The following SLC35F4 variants were observed in gnomAD, a reference collection of about 807,000 sequenced individuals.
The protein encoded by SLC35F4 is chromosome 14 open reading frame 36.
A neutral mutation model predicts 44.2 loss-of-function variants in SLC35F4; 24 were observed. The observed-to-expected ratio is 0.54, with a 90% confidence interval of 0.39 to 0.76. The LOEUF is 0.76. Among genes scored for constraint, SLC35F4 ranks in the 30% least tolerant of loss-of-function variants. SLC35F4 has a pLI of 0.00. For missense variants in SLC35F4, 562 were observed against 586.1 expected, an observed-to-expected ratio of 0.96 and a Z score of 0.42; for synonymous variants, 238 against 223.6, an observed-to-expected ratio of 1.06 and a Z score of -0.57.
chr14:57,669,821 G>A (rs569584744), intron 1 of SLC35F4, among the ~76,000 whole-genome samples: 1 of 152,192 alleles, frequency 6.6e-6, no homozygotes, highest in East Asian at 1.9e-4. Flanking sequence ...CCAGGCTTTG[G>A]TATCAGGATG....
intron 1 of SLC35F4, among the ~76,000 whole-genome samples, chr14:57,690,300 T>C (rs527917267): frequency 2.6e-5 from 4 of 152,306 alleles, no homozygotes; most frequent in South Asian, 4.1e-4. Context: ...TATGTTCTCA[T>C]GGCACTATTA....
intron 4 of SLC35F4, among the ~76,000 whole-genome samples, chr14:57,573,148 C>G (rs368799538): frequency 3.3e-5 from 5 of 152,138 alleles, no homozygotes; most frequent in South Asian, 2.1e-4. Context: ...TTTTTTATAA[C>G]GTAGATTTTT....
intron 1 of SLC35F4, among the ~76,000 whole-genome samples, chr14:57,703,795 CA>C (rs2075602944): frequency 6.6e-6 from 1 of 152,166 alleles, no homozygotes; most frequent in African/African-American, 2.4e-5. Context: ...GATAGCTTTT[CA>C]AATCACTTTT....
chr14:57,948,089 G>C (rs1257755999), intron 1 of SLC35F4, among the ~76,000 whole-genome samples: 1 of 152,050 alleles, frequency 6.6e-6, no homozygotes, highest in Admixed American at 6.5e-5. Context: ...TTTATCTTTT[G>C]GAATAGTTTC....
chr14:57,592,787 G>T (rs1363983546), intron 2 of SLC35F4, among the ~76,000 whole-genome samples: 1 of 151,942 alleles, frequency 6.6e-6, no homozygotes, highest in Non-Finnish European at 1.5e-5. Flanking sequence ...ACCCCTAATT[G>T]AATCCTCTGA....
At chr14:57,906,807 A>G (rs1319959152) in intron 1 of SLC35F4, among the ~76,000 whole-genome samples, 1 of 152,222 alleles carries the variant, frequency 6.6e-6, no homozygotes, top group East Asian at 1.9e-4. Context: ...GGGTCATTAC[A>G]TTGCAGGGTA....
At chr14:57,688,287 T>C (rs962116999) in intron 1 of SLC35F4, among the ~76,000 whole-genome samples, 1 of 152,084 alleles carries the variant, frequency 6.6e-6, no homozygotes, top group Admixed American at 6.6e-5. Context: ...CGTACAGACA[T>C]GTGGGACCTA....
At chr14:57,747,734 A>T (rs992289036) in intron 1 of SLC35F4, among the ~76,000 whole-genome samples, 25 of 152,202 alleles carry the variant, frequency 1.6e-4, no homozygotes, top group Non-Finnish European at 3.5e-4. Context: ...AAAAACATTT[A>T]TAGTAATTTC....
At chr14:57,953,411 G>A (rs1890177330) in intron 1 of SLC35F4, among the ~76,000 whole-genome samples, 1 of 151,886 alleles carries the variant, frequency 6.6e-6, no homozygotes, top group Non-Finnish European at 1.5e-5. Context: ...CATAATGACA[G>A]GATCAAATTC....
chr14:57,860,605 A>G (rs761217608), intron 1 of SLC35F4, among the ~76,000 whole-genome samples: 15 of 152,228 alleles, frequency 9.9e-5, no homozygotes, highest in Admixed American at 7.9e-4. Context: ...TAATTCAACC[A>G]TACATCAACA....
chr14:57,919,105 A>T (rs1210014490), intron 1 of SLC35F4, among the ~76,000 whole-genome samples: 2 of 152,188 alleles, frequency 1.3e-5, no homozygotes, highest in Non-Finnish European at 2.9e-5. Flanking sequence ...CATGGTTTGG[A>T]TGCAGAAGAC....
At chr14:57,655,910 C>T (rs974522377) in intron 1 of SLC35F4, among the ~76,000 whole-genome samples, 1 of 152,176 alleles carries the variant, frequency 6.6e-6, no homozygotes, top group South Asian at 2.1e-4. Context: ...TCTCCTCCCA[C>T]TCATCTATAT....
In SLC35F4 at chr14:57,979,191, G is replaced by A. The variant is rs141311378; in HGVS notation, n.152-2234C>T. Among the ~76,000 whole-genome samples the A allele has an allele frequency of 3.9e-3, 599 of 152,260 alleles. 3 individuals carry two copies. Among genetic ancestry groups the A allele is most frequent in the South Asian group, 8.3e-3 (40 of 4,812 alleles). On this transcript the variant is annotated intron_variant and non_coding_transcript_variant, in intron 1 of 1. Transcript: ENST00000554648. ...AAATAAAGATTGGGTCACAGCAGAG[G>A]GAAGTGTGGTTATTAATTATGACCT...
intron 1 of SLC35F4, among the ~76,000 whole-genome samples, chr14:57,853,876 C>T (rs181736345): frequency 5.9e-4 from 90 of 152,268 alleles, no homozygotes; most frequent in Non-Finnish European, 1.1e-3. Flanking sequence ...AGAGACTCCC[C>T]GGTGTCTTTT....
chr14:57,873,840 G>T (rs1013122094), intron 1 of SLC35F4, among the ~76,000 whole-genome samples: 2 of 152,056 alleles, frequency 1.3e-5, no homozygotes, highest in African/African-American at 4.8e-5. Flanking sequence ...TGTGCCGCCT[G>T]CCTGCACACC....
chr14:57,746,808 C>T (rs1465146807), intron 1 of SLC35F4, among the ~76,000 whole-genome samples: 2 of 152,044 alleles, frequency 1.3e-5, no homozygotes, highest in Non-Finnish European at 2.9e-5. Context: ...CATTTATTAA[C>T]CAGAAATGCA....
rs78948104 is a variant in SLC35F4 at position 57,614,925 on chromosome 14, C to T, written c.104-20801G>A. Among the ~76,000 whole-genome samples the T allele has an allele frequency of 4.7e-4, 72 of 152,252 alleles. No homozygotes were observed. In the East Asian group the frequency reaches 0.013, roughly 27 times the overall value. The stretch of plus-strand genomic sequence containing the variant: ...TAAACTTTTTAGATTTAAGTGTTCT[C>T]GTCCATAAAATAAGAGGGTGGGACC... On this transcript the variant is annotated intron_variant, in intron 1 of 7. Coordinates refer to ENST00000556826, the MANE Select transcript of SLC35F4 (RefSeq NM_001306087.2).
chr14:57,778,320 T>C (rs924461193), intron 1 of SLC35F4, among the ~76,000 whole-genome samples: 3 of 151,982 alleles, frequency 2.0e-5, no homozygotes, highest in African/African-American at 7.3e-5. Flanking sequence ...ACTAATACAG[T>C]TGGAATCCTA....
intron 1 of SLC35F4, among the ~76,000 whole-genome samples, chr14:57,758,033 GTGTGTGTGT>G (rs2077037573): frequency 6.6e-6 from 1 of 151,270 alleles, no homozygotes; most frequent in African/African-American, 2.4e-5. Context: ...GTGTGTGTGT[GTGTGTGTGT>G]TATTTTAATA....
Sources: gnomAD v4.1 joint callset for allele counts (sites outside exome capture counted in the v4.1 genomes callset) on GRCh38, gnomAD v4.1.1 for gene constraint, MANE v1.5 for transcripts, NCBI Gene and HGNC (gene_info 2026-07-23, HGNC 2026-07-21) for gene names.